Variants in ZNF474 observed in about 807,000 individuals in gnomAD.
ZNF474 encodes the protein zinc finger protein 474.
For synonymous variants in ZNF474, 192 were observed against 162.2 expected (o/e 1.18, Z -1.39); for missense variants, 511 against 433.8 (o/e 1.18, Z -1.58).
intron 1 of ZNF474, 74 bp from the exon 2 acceptor site, chr5:122,151,705 A>ACTG (rs1554065528): frequency 6.3e-5 from 13 of 206,000 alleles, no homozygotes; most frequent in Admixed American, 1.1e-4. Flanking sequence ...AACAACCTAA[A>ACTG]TGTGTGTGTG....
rs374868119 is a variant in ZNF474 at position 122,144,010 on chromosome 5, C to G, written c.-212-7769C>G. On this transcript the variant is annotated intron_variant, in intron 1 of 1. Transcript: ENST00000296600. ...TTCTATAATCCCACCTGTAGCTGTT[C>G]TAAACACTGGCTGCTTTATTTTTTT... 2.6e-5 allele frequency among the ~76,000 whole-genome samples: 4 copies of G among 152,160 alleles called. 1 individual carries two copies.
intron 1 of ZNF474, among the ~76,000 whole-genome samples, chr5:122,150,481 A>G (rs1419435815): frequency 1.3e-5 from 2 of 152,142 alleles, no homozygotes; most frequent in Non-Finnish European, 1.5e-5. Context: ...GGGTTTCCAT[A>G]TTACCAGGAC....
At chr5:122,150,502 G>T (rs943105642) in intron 1 of ZNF474, among the ~76,000 whole-genome samples, 1 of 152,130 alleles carries the variant, frequency 6.6e-6, no homozygotes, top group Non-Finnish European at 1.5e-5. Context: ...TGCTGGCCTT[G>T]CACTGTCCAA....
chr5:122,138,764 T>G (rs1024895716), intron 1 of ZNF474, among the ~76,000 whole-genome samples: 3 of 152,106 alleles, frequency 2.0e-5, no homozygotes, highest in African/African-American at 7.2e-5. Flanking sequence ...ATGCATAAGG[T>G]CTGTGATGTA....
intron 1 of ZNF474, chr5:122,147,968 T>C (rs1484403900): frequency 6.6e-6 from 1 of 152,260 alleles, no homozygotes; most frequent in Admixed American, 6.5e-5. Context: ...AACGAATAAT[T>C]CAGGCCAACT....
At position 122,138,120 on chromosome 5, in the gene ZNF474, G is replaced by C. The variant is rs1310773855; in HGVS notation, c.-213+8437G>C. On this transcript the variant is annotated intron_variant, in intron 1 of 1. Coordinates refer to ENST00000296600, the MANE Select transcript of ZNF474 (RefSeq NM_207317.3). The stretch of plus-strand genomic sequence containing the variant: ...ACAGGAGTGAAAAATCATGGGAAAG[G>C]AGATATATTAAAATGCAAAGGCAGA... Among the ~76,000 whole-genome samples the C allele has an allele frequency of 3.9e-5, 6 of 152,174 alleles. No individual in the cohort carries two copies. The East Asian group carries it at 1.2e-3, about 29-fold the overall frequency.
At chr5:122,133,133 T>C (rs1172871621) in intron 1 of ZNF474, among the ~76,000 whole-genome samples, 1 of 152,216 alleles carries the variant, frequency 6.6e-6, no homozygotes, top group Admixed American at 6.5e-5. Flanking sequence ...ATAAGTATTT[T>C]TCAAGCCCAT....
chr5:122,146,429 G>A (rs1337143636), intron 1 of ZNF474, among the ~76,000 whole-genome samples: 5 of 151,916 alleles, frequency 3.3e-5, no homozygotes, highest in Non-Finnish European at 7.4e-5. Context: ...AAGAACCATT[G>A]ATCCAGTATT....
chr5:122,147,060 G>A (rs1157077574), intron 1 of ZNF474, among the ~76,000 whole-genome samples: 3 of 152,218 alleles, frequency 2.0e-5, no homozygotes, highest in Non-Finnish European at 4.4e-5. Context: ...CCGGACATTA[G>A]AAGGGACATT....
In ZNF474 at chr5:122,152,724, A is replaced by G. The variant is rs1207630354; in HGVS notation, c.734A>G (p.Glu245Gly). Residue 245 changes from glutamate (E) to glycine (G), a missense_variant, in exon 2 of 2, where the codon GAA becomes GGA. Transcript: ENST00000296600. Reference protein sequence around the residue: ...SLPIHEPKCLEKWKMENDRLP... With the variant: ...SLPIHEPKCLGKWKMENDRLP... The stretch of plus-strand genomic sequence containing the variant: ...CCTATTCATGAGCCCAAATGCCTGG[A>G]AAAGTGGAAAATGGAAAATGACCGG... 1.2e-6 allele frequency: 2 copies of G among 1,614,038 alleles called. No homozygotes were observed. The highest frequency in any genetic ancestry group is 2.2e-5 in the East Asian group (1 of 44,884).
At chr5:122,130,347 C>A (rs972958112) in intron 1 of ZNF474, among the ~76,000 whole-genome samples, 1 of 152,156 alleles carries the variant, frequency 6.6e-6, no homozygotes, top group African/African-American at 2.4e-5. Context: ...TCCAGCCAAT[C>A]TTCCCTCCAC....
intron 1 of ZNF474, among the ~76,000 whole-genome samples, chr5:122,140,814 C>A (rs1289537631): frequency 6.6e-6 from 1 of 152,176 alleles, no homozygotes; most frequent in East Asian, 1.9e-4. Context: ...AAATCTACTT[C>A]TTTCTGGGCA....
chr5:122,139,378 A>G (rs1755779793), intron 1 of ZNF474, among the ~76,000 whole-genome samples: 1 of 152,204 alleles, frequency 6.6e-6, no homozygotes, highest in Admixed American at 6.6e-5. Flanking sequence ...CTTCATTATC[A>G]TTCCCTAAAA....
intron 1 of ZNF474, among the ~76,000 whole-genome samples, chr5:122,139,121 A>G (rs559038848): frequency 6.6e-6 from 1 of 152,210 alleles, no homozygotes; most frequent in Non-Finnish European, 1.5e-5. Flanking sequence ...ACCATCTTAT[A>G]TATGAAACAT....
intron 1 of ZNF474, among the ~76,000 whole-genome samples, chr5:122,140,114 C>T (rs1166461448): frequency 6.6e-6 from 1 of 152,168 alleles, no homozygotes; most frequent in African/African-American, 2.4e-5. Context: ...ATTGGAAACC[C>T]TAGGTATTAC....
intron 1 of ZNF474, among the ~76,000 whole-genome samples, chr5:122,142,083 G>C (rs1755860980): frequency 6.6e-6 from 1 of 152,184 alleles, no homozygotes; most frequent in Non-Finnish European, 1.5e-5. Context: ...AAATCCAGAG[G>C]ACATTAGCAG....
At chr5:122,142,185 A>T (rs1456656172) in intron 1 of ZNF474, among the ~76,000 whole-genome samples, 1 of 152,218 alleles carries the variant, frequency 6.6e-6, no homozygotes, top group African/African-American at 2.4e-5. Flanking sequence ...TCCTAAACTT[A>T]AAGCTCAGAT....
chr5:122,151,759 T>A lies in ZNF474; in HGVS notation c.-212-20T>A, dbSNP rs1354159616. 4.3e-6 allele frequency: 2 copies of A among 469,756 alleles called. No individual in the cohort carries two copies. The highest frequency in any genetic ancestry group is 7.6e-6 in the Non-Finnish European group (2 of 263,642). 29.1% of individuals were successfully genotyped at this position (469,756 alleles called of 1,614,324 possible). A position where few individuals can be genotyped will look rare whatever the true frequency, so the allele number is the denominator to read the frequency against. On this transcript the variant is annotated intron_variant, in intron 1 of 1. Coordinates refer to ENST00000296600, the MANE Select transcript of ZNF474 (RefSeq NM_207317.3). ...TGTGTTTACATAATAACTTCTTATG[T>A]CTCCCACCCGCCTCCACAGATCTTG...
chr5:122,149,957 CAGAG>C (rs1167613370), intron 1 of ZNF474, among the ~76,000 whole-genome samples: 4 of 140,116 alleles, frequency 2.9e-5, no homozygotes, highest in East Asian at 2.1e-4. Flanking sequence ...GAGAAAGAGA[CAGAG>C]AGAGAGAAAG....
Sources: gnomAD v4.1 joint callset for allele counts (sites outside exome capture counted in the v4.1 genomes callset) on GRCh38, gnomAD v4.1.1 for gene constraint, MANE v1.5 for transcripts, NCBI Gene and HGNC (gene_info 2026-07-23, HGNC 2026-07-21) for gene names.